The following DLGAP1 variants were observed in gnomAD, a reference collection of about 807,000 sequenced individuals.
The protein encoded by DLGAP1 is DLG associated protein 1, also known as disks large-associated protein 1.
In DLGAP1, 11 loss-of-function variants were observed where a neutral mutation model predicts 90.8. The observed-to-expected ratio is 0.12, with a 90% CI of 0.08 to 0.20. The LOEUF (loss-of-function observed/expected upper bound fraction) is 0.20, where lower values mean the gene tolerates loss of function less well. Ranked by LOEUF, DLGAP1 falls within the 10% of genes least tolerant of loss-of-function variation. The probability of loss-of-function intolerance (pLI) is 1.00; values close to 1 mark genes in which losing one functional copy is unlikely to be tolerated. For missense variants in DLGAP1, 1,050 were observed against 1,333.8 expected (o/e 0.79, Z 3.31); for synonymous variants, 558 against 540.7 (o/e 1.03, Z -0.44).
intron 3 of DLGAP1, among the ~76,000 whole-genome samples, chr18:3,920,639 G>A (rs767330564): frequency 2.0e-5 from 3 of 152,008 alleles, no homozygotes; most frequent in Admixed American, 1.3e-4. Flanking sequence ...TGCACTTGGC[G>A]TTCAGTTAGG....
At chr18:4,141,538 TATTATAA>T (rs1437532564) in intron 2 of DLGAP1, among the ~76,000 whole-genome samples, 1 of 152,020 alleles carries the variant, frequency 6.6e-6, no homozygotes, top group Non-Finnish European at 1.5e-5. Flanking sequence ...AAAGTCTTAA[TATTATAA>T]AAACAGTTTT....
At chr18:3,679,614 G>C (rs75622699) in intron 7 of DLGAP1, among the ~76,000 whole-genome samples, 17,295 of 147,908 alleles carry the variant, frequency 0.12, 1,178 homozygotes, top group Non-Finnish European at 0.15. Context: ...TACTAGATAG[G>C]GCCGATGAGC....
In DLGAP1 at chr18:4,242,863, C is replaced by T. The variant is rs537382237; in HGVS notation, c.-266-91576G>A. On this transcript the variant is annotated intron_variant, in intron 1 of 12. Transcript: ENST00000315677. ...GTAACTCACAATGAGGGCAATTACA[C>T]ATGTAATACCCATGATGAGGGCTAG... is the stretch of plus-strand genomic sequence containing the variant. 5.3e-5 allele frequency among the ~76,000 whole-genome samples: 8 copies of T among 152,170 alleles called. No individual in the cohort carries two copies. In the South Asian group the frequency reaches 1.2e-3, roughly 24 times the overall value.
At chr18:3,979,240 AT>A (rs77004594) in intron 3 of DLGAP1, among the ~76,000 whole-genome samples, 60,288 of 151,734 alleles carry the variant, frequency 0.4, 12,160 homozygotes, top group Non-Finnish European at 0.42. Context: ...TATTTTTACC[AT>A]TTTTTTTCTA....
rs757963482 is a variant in DLGAP1, at chr18:3,498,929, CA to C, written c.*255del. 3.1e-5 allele frequency: 16 copies of C among 513,258 alleles called. No individual in the cohort carries two copies. Among genetic ancestry groups the C allele is most frequent in the Non-Finnish European group, 4.8e-5 (14 of 293,538 alleles). 31.8% of individuals were successfully genotyped at this position (513,258 alleles called of 1,614,324 possible). On this transcript the variant is annotated 3_prime_UTR_variant, in exon 13 of 13. Transcript: ENST00000315677. ...GCCCAGAAAATAAAGGGTTGGATCT[CA>C]GTATGAGGCAGGGCGACGGCATCAG...
At chr18:4,351,486 G>A (rs1472273031) in intron 1 of DLGAP1, among the ~76,000 whole-genome samples, 4 of 152,064 alleles carry the variant, frequency 2.6e-5, no homozygotes, top group Non-Finnish European at 5.9e-5. Flanking sequence ...ATTCTGACTC[G>A]AAATCTAGCT....
intron 4 of DLGAP1, among the ~76,000 whole-genome samples, chr18:3,850,188 G>A (rs2069257111): frequency 1.3e-5 from 2 of 152,054 alleles, no homozygotes. Context: ...CCAACGTGGT[G>A]AAACTAACAA....
rs185146169 is a variant in DLGAP1 at position 3,619,198 on chromosome 18, T to A, written c.1592-36950A>T. Among the ~76,000 whole-genome samples, 7 of 152,270 alleles carry A rather than the reference T, an allele frequency of 4.6e-5. No homozygotes were observed. In the East Asian group the frequency reaches 1.4e-3, roughly 29 times the overall value. On this transcript the variant is annotated intron_variant, in intron 7 of 12. Transcript: ENST00000315677. The stretch of plus-strand genomic sequence containing the variant: ...TTTAAGGCACCCCATCTATGGTACT[T>A]AGTTATGGCAGCCCTAGCAAACTAA...
chr18:3,702,444 T>C (rs930794686), intron 7 of DLGAP1, among the ~76,000 whole-genome samples: 8 of 152,220 alleles, frequency 5.3e-5, no homozygotes, highest in Non-Finnish European at 7.3e-5. Flanking sequence ...TTGCTACCTT[T>C]CTATGGGATG....
At chr18:3,719,420 T>G (rs1420282227) in intron 7 of DLGAP1, among the ~76,000 whole-genome samples, 1 of 151,596 alleles carries the variant, frequency 6.6e-6, no homozygotes, top group Non-Finnish European at 1.5e-5. Flanking sequence ...TAGCCGGGTG[T>G]GGTGGCGGGC....
intron 5 of DLGAP1, among the ~76,000 whole-genome samples, chr18:3,780,450 G>T (rs1172604706): frequency 6.6e-6 from 1 of 152,094 alleles, no homozygotes. Context: ...GCTTTTAGAG[G>T]CCTCCTGTAT....
intron 7 of DLGAP1, among the ~76,000 whole-genome samples, chr18:3,680,681 T>C (rs574803702): frequency 4.7e-5 from 7 of 147,762 alleles, no homozygotes; most frequent in Non-Finnish European, 1.0e-4. Context: ...CCCAGCTACT[T>C]GGGAGGCTGA....
intron 1 of DLGAP1, among the ~76,000 whole-genome samples, chr18:4,218,112 A>AT (rs11388163): frequency 0.022 from 2,949 of 136,870 alleles, 83 homozygotes; most frequent in African/African-American, 0.06. Flanking sequence ...ATCTGTTAGA[A>AT]TTTTTTTTTT....
At chr18:3,544,623 C>T (rs953894971) in intron 9 of DLGAP1, among the ~76,000 whole-genome samples, 1 of 151,760 alleles carries the variant, frequency 6.6e-6, no homozygotes, top group Non-Finnish European at 1.5e-5. Flanking sequence ...TTTCCTGAAC[C>T]CTTGAAAATT....
At position 4,378,223 on chromosome 18, in the gene DLGAP1, T is replaced by C. The variant is rs1222256090; in HGVS notation, c.-267+76783A>G. On this transcript the variant is annotated intron_variant, in intron 1 of 12. Transcript: ENST00000315677. The surrounding 1 kb of genome is among the most constrained non-coding windows in gnomAD (Gnocchi z 4.5). ...ACTACTGAATGGGGGAGGTGTGGAA[T>C]GGGGAAGCCAGGAAAGAGGTAAGAA... Among the ~76,000 whole-genome samples, 1 of 151,396 alleles carries C rather than the reference T, an allele frequency of 6.6e-6. No homozygotes were observed. Among genetic ancestry groups the C allele is most frequent in the African/African-American group, 2.4e-5 (1 of 41,298 alleles).
intron 1 of DLGAP1, among the ~76,000 whole-genome samples, chr18:4,311,671 T>G (rs1168877143): frequency 6.6e-6 from 1 of 152,144 alleles, no homozygotes; most frequent in Admixed American, 6.5e-5. Context: ...TACTTAATTC[T>G]AAATTTAATC....
intron 3 of DLGAP1, among the ~76,000 whole-genome samples, chr18:3,891,607 C>G (rs1470744178): frequency 6.6e-6 from 1 of 152,190 alleles, no homozygotes; most frequent in Non-Finnish European, 1.5e-5. Context: ...GGAATGGTCT[C>G]TGCCTCTAGG....
chr18:4,309,584 A>C (rs1265539454), intron 1 of DLGAP1, among the ~76,000 whole-genome samples: 3 of 152,200 alleles, frequency 2.0e-5, no homozygotes, highest in Non-Finnish European at 2.9e-5. Context: ...AAAATCGTTT[A>C]GCCCATTTTT....
intron 5 of DLGAP1, among the ~76,000 whole-genome samples, chr18:3,807,884 G>A (rs778900578): frequency 1.3e-5 from 2 of 152,160 alleles, no homozygotes; most frequent in African/African-American, 2.4e-5. Context: ...GATCATTGTA[G>A]AGACTTTTCA....
Sources: gnomAD v4.1 joint callset for allele counts (sites outside exome capture counted in the v4.1 genomes callset) on GRCh38, gnomAD v4.1.1 for gene constraint, Gnocchi (gnomAD v3.1) non-coding constraint, MANE v1.5 for transcripts, NCBI Gene and HGNC (gene_info 2026-07-23, HGNC 2026-07-21) for gene names.